Variants in MRAS observed in about 807,000 individuals in gnomAD.
MRAS encodes the protein muscle RAS oncogene homolog.
A neutral mutation model predicts 20.9 loss-of-function variants in MRAS; 4 were observed. The ratio of observed to expected loss-of-function variants is 0.19; its 90% CI spans 0.09 to 0.44. The LOEUF is 0.44. Ranked by LOEUF, MRAS falls within the 20% of genes least tolerant of loss-of-function variation. MRAS has a pLI of 0.99. For missense variants in MRAS, 154 were observed against 277.5 expected, an observed-to-expected ratio of 0.56 and a Z score of 3.16; for synonymous variants, 98 against 102.9, an observed-to-expected ratio of 0.95 and a Z score of 0.29.
chr3:138,402,036 C>A lies in MRAS; in HGVS notation c.528-134C>A, dbSNP rs907854879. On this transcript the variant is annotated intron_variant, in intron 5 of 5. Transcript: ENST00000423968. Reference sequence around the variant, plus strand: ...ACAGCCACTGGGAGAGGGATGGCATCCCCATCCCCCTCACCCACTAACCCC... The same window carrying A: ...ACAGCCACTGGGAGAGGGATGGCATACCCATCCCCCTCACCCACTAACCCC... 7.9e-6 allele frequency: 6 copies of A among 755,488 alleles called. No homozygotes were observed. The African/African-American group carries it at 1.1e-4, about 13-fold the overall frequency. 46.8% of individuals were successfully genotyped at this position (755,488 alleles called of 1,614,324 possible).
intron 3 of MRAS, among the ~76,000 whole-genome samples, chr3:138,398,153 G>T (rs2055280375): frequency 6.6e-6 from 1 of 152,214 alleles, no homozygotes; most frequent in African/African-American, 2.4e-5. Context: ...CTGGTTGTGT[G>T]GTTGGTACAT....
intron 1 of MRAS, among the ~76,000 whole-genome samples, chr3:138,360,363 C>T (rs1355352140): frequency 2.0e-5 from 3 of 152,130 alleles, no homozygotes; most frequent in African/African-American, 4.8e-5. Context: ...ATTGAACTGG[C>T]GGAACACCGT....
intron 2 of MRAS, among the ~76,000 whole-genome samples, chr3:138,377,481 G>A (rs941530913): frequency 2.6e-4 from 39 of 152,232 alleles, no homozygotes; most frequent in African/African-American, 9.4e-4. Flanking sequence ...GGTGGCGCCT[G>A]TCATCTCAGC....
chr3:138,400,294 G>A lies in MRAS; in HGVS notation c.448-240G>A, dbSNP rs188045478. The A allele has an allele frequency of 2.2e-4, 97 of 449,216 alleles. 1 individual carries two copies. The Admixed American group carries it at 3.3e-3, about 15-fold the overall frequency. 27.8% of individuals were successfully genotyped at this position (449,216 alleles called of 1,614,324 possible). On this transcript the variant is annotated intron_variant, in intron 4 of 5. Coordinates refer to ENST00000423968, the MANE Select transcript of MRAS (RefSeq NM_001085049.3). ...AAGATCACTTTATTCTATTTTTAGG[G>A]AGCTATTAAATATCTCTGTGCCTAG...
chr3:138,386,758 C>T (rs1576375070), intron 2 of MRAS, among the ~76,000 whole-genome samples: 1 of 152,204 alleles, frequency 6.6e-6, no homozygotes, highest in Admixed American at 6.5e-5. Flanking sequence ...GCTGGGATTA[C>T]AGGCGTGAGC....
intron 1 of MRAS, among the ~76,000 whole-genome samples, chr3:138,367,203 C>T (rs1196834641): frequency 6.6e-6 from 1 of 152,160 alleles, no homozygotes; most frequent in African/African-American, 2.4e-5. Context: ...AAAGCAGGGG[C>T]CCAACTACTT....
rs540101168 is a variant in MRAS at position 138,354,031 on chromosome 3, G to A, written c.-19+5264G>A. 2.2e-4 allele frequency among the ~76,000 whole-genome samples: 33 copies of A among 152,298 alleles called. No individual in the cohort carries two copies. The East Asian group carries it at 5.8e-3, about 27-fold the overall frequency. On this transcript the variant is annotated intron_variant, in intron 1 of 5. Coordinates refer to ENST00000423968, the MANE Select transcript of MRAS (RefSeq NM_001085049.3). ...AGGGGACCTATCCCATGGAGGTGTG[G>A]CTCTACATAATCAGTGCAGTGGGCA... is the stretch of plus-strand genomic sequence containing the variant.
Position 138,385,808 on chromosome 3 carries a change from C to A in MRAS, c.194-11516C>A, listed in dbSNP as rs184464398. ...GGGGTTACAGGTGTGAGCCACTGTT[C>A]CAGGCCAATGTATTTTTGTTTTAAG... On this transcript the variant is annotated intron_variant, in intron 2 of 5. Coordinates refer to ENST00000423968, the MANE Select transcript of MRAS (RefSeq NM_001085049.3). Among the ~76,000 whole-genome samples the A allele has an allele frequency of 4.6e-5, 7 of 152,270 alleles. No homozygotes were observed. The East Asian group carries it at 1.4e-3, about 29-fold the overall frequency.
At chr3:138,359,628 C>G (rs774163657) in intron 1 of MRAS, among the ~76,000 whole-genome samples, 3 of 152,228 alleles carry the variant, frequency 2.0e-5, no homozygotes, top group Non-Finnish European at 4.4e-5. Context: ...TGGCCTCCAC[C>G]TCTCTGGGCT....
intron 2 of MRAS, among the ~76,000 whole-genome samples, chr3:138,378,314 C>T (rs1245282011): frequency 6.6e-6 from 1 of 152,214 alleles, no homozygotes; most frequent in African/African-American, 2.4e-5. Flanking sequence ...TCCAGGAAGT[C>T]ACATTGCCTG....
intron 1 of MRAS, among the ~76,000 whole-genome samples, chr3:138,362,884 C>T (rs574456980): frequency 1.3e-5 from 2 of 152,162 alleles, no homozygotes; most frequent in East Asian, 1.9e-4. Context: ...CGACACCCAT[C>T]GCCCCTGCCA....
In MRAS at chr3:138,402,419, C is replaced by A; in HGVS notation, c.*150C>A. On this transcript the variant is annotated 3_prime_UTR_variant, in exon 6 of 6. Transcript: ENST00000423968. ...GAAGGGCAGGTGGGCAGGGAGCAGA[C>A]AGGGTCTGGCTTTGCCCAGAGGGCA... is the stretch of plus-strand genomic sequence containing the variant. The A allele has an allele frequency of 1.4e-6, 1 of 700,854 alleles. No individual in the cohort carries two copies. Among genetic ancestry groups the A allele is most frequent in the Non-Finnish European group, 2.4e-6 (1 of 420,082 alleles). 43.4% of individuals were successfully genotyped at this position (700,854 alleles called of 1,614,324 possible). A position where few individuals can be genotyped will look rare whatever the true frequency, so the allele number is the denominator to read the frequency against.
chr3:138,368,075 G>A (rs985312811), intron 1 of MRAS, among the ~76,000 whole-genome samples: 8 of 152,222 alleles, frequency 5.3e-5, no homozygotes, highest in Admixed American at 2.6e-4. Flanking sequence ...CCGCCCCCAC[G>A]GCCAAGTGGC....
chr3:138,375,048 A>G (rs1260347223), intron 2 of MRAS, among the ~76,000 whole-genome samples: 2 of 152,084 alleles, frequency 1.3e-5, no homozygotes, highest in Non-Finnish European at 2.9e-5. Flanking sequence ...TGCCCGGCTA[A>G]TATTTTATTT....
chr3:138,351,401 G>A (rs1228900853), intron 1 of MRAS, among the ~76,000 whole-genome samples: 2 of 152,208 alleles, frequency 1.3e-5, no homozygotes, highest in East Asian at 3.8e-4. Context: ...GGCATAGAAG[G>A]TACAGTCACC....
At chr3:138,401,654 T>C (rs765155443) in intron 5 of MRAS, among the ~76,000 whole-genome samples, 6 of 152,202 alleles carry the variant, frequency 3.9e-5, no homozygotes, top group Admixed American at 2.6e-4. Context: ...CTATTTGCTC[T>C]TGGGCATTTT....
chr3:138,385,464 T>G (rs1046562206), intron 2 of MRAS, among the ~76,000 whole-genome samples: 13 of 150,904 alleles, frequency 8.6e-5, no homozygotes, highest in Non-Finnish European at 1.8e-4. Flanking sequence ...TAAATTTTTT[T>G]GTTTCATTTT....
intron 2 of MRAS, among the ~76,000 whole-genome samples, chr3:138,389,397 G>A (rs545248848): frequency 1.9e-3 from 288 of 151,540 alleles, no homozygotes; most frequent in Middle Eastern, 3.4e-3. Flanking sequence ...GATGACACAC[G>A]CAACAGGAAG....
intron 2 of MRAS, among the ~76,000 whole-genome samples, chr3:138,380,492 T>A (rs1311484822): frequency 3.0e-5 from 2 of 65,640 alleles, no homozygotes; most frequent in Non-Finnish European, 5.5e-5. Context: ...TTTGTATTTT[T>A]AGTAGGGATG....
Sources: allele counts gnomAD v4.1 joint callset (sites outside exome capture counted in the v4.1 genomes callset), GRCh38; gene constraint gnomAD v4.1.1; transcripts MANE v1.5; gene names NCBI Gene and HGNC (gene_info 2026-07-23, HGNC 2026-07-21).